The following NIPBL variants were observed in gnomAD, a reference collection of about 807,000 sequenced individuals.
NIPBL encodes the protein NIPBL cohesin loading factor, also known as nipped-B-like protein.
Under a neutral mutation model 321.8 loss-of-function variants are expected in NIPBL, and 19 were observed. That is an observed-to-expected ratio of 0.06 (90% CI 0.04 to 0.09). The LOEUF is 0.09. NIPBL is among the 10% of genes least tolerant of loss of function. The probability of loss-of-function intolerance (pLI) is 1.00; values close to 1 mark genes in which losing one functional copy is unlikely to be tolerated. For missense variants in NIPBL, 2,210 were observed against 3,327.0 expected (o/e 0.66, Z 8.26); for synonymous variants, 1,106 against 1,114.1 (o/e 0.99, Z 0.14).
intron 3 of NIPBL, among the ~76,000 whole-genome samples, chr5:36,957,733 A>G (rs960126729): frequency 6.6e-6 from 1 of 152,166 alleles, no homozygotes; most frequent in African/African-American, 2.4e-5. Flanking sequence ...CTGTAATCCC[A>G]GCACTTTGGG....
intron 32 of NIPBL, among the ~76,000 whole-genome samples, chr5:37,035,046 A>G (rs114606242): frequency 0.033 from 5,061 of 152,270 alleles, 105 homozygotes; most frequent in Middle Eastern, 0.058. Context: ...TCCCAGCACT[A>G]TGGGAGGCTA....
At chr5:36,999,422 G>A (rs1422170037) in intron 11 of NIPBL, among the ~76,000 whole-genome samples, 1 of 152,166 alleles carries the variant, frequency 6.6e-6, no homozygotes, top group African/African-American at 2.4e-5. Context: ...GGTACCTACT[G>A]CATCCTAGAA....
chr5:36,969,521 T>A (rs905514501), intron 6 of NIPBL, among the ~76,000 whole-genome samples: 2 of 152,196 alleles, frequency 1.3e-5, no homozygotes, highest in Admixed American at 6.5e-5. Flanking sequence ...AAAGAATGAT[T>A]TCTTTAATTA....
intron 31 of NIPBL, 41 bp from the exon 32 acceptor site, chr5:37,027,318 A>G: frequency 7.1e-7 from 1 of 1,406,150 alleles, no homozygotes; most frequent in Non-Finnish European, 1.0e-6. Flanking sequence ...ATTCACATTT[A>G]TAAATATACT....
At chr5:36,927,769 G>A (rs1749476698) in intron 1 of NIPBL, among the ~76,000 whole-genome samples, 2 of 152,226 alleles carry the variant, frequency 1.3e-5, no homozygotes, top group East Asian at 3.9e-4. Context: ...GGATATACCA[G>A]TCTGGAGTTC....
chr5:37,064,548 A>G lies in NIPBL; in HGVS notation c.8071A>G (p.Asn2691Asp). The G allele has an allele frequency of 6.2e-7, 1 of 1,613,812 alleles. No individual in the cohort carries two copies. Among genetic ancestry groups the G allele is most frequent in the Non-Finnish European group, 8.5e-7 (1 of 1,180,022 alleles). Reference sequence around the variant, plus strand: ...TTAGTCATTGAGAAGGTCAAAACGAAATTCAGACTCTACGGAGTTGGCAGC... The same window carrying G: ...TTAGTCATTGAGAAGGTCAAAACGAGATTCAGACTCTACGGAGTTGGCAGC... ...TSGSLRRSKRNSDSTELAAQM... is the reference protein window; with the variant it reads ...TSGSLRRSKRDSDSTELAAQM... Residue 2691 changes from asparagine (N) to aspartate (D), a missense_variant, in exon 47 of 47, where the codon AAT becomes GAT. Around this residue, in one of 14 missense-constraint regions of NIPBL, gnomAD observed 159 missense variants for 319.2 expected, o/e 0.50. Transcript: ENST00000282516.
intron 36 of NIPBL, 23 bp from the exon 37 acceptor site, chr5:37,045,420 T>C (rs1752873622): frequency 6.6e-7 from 1 of 1,517,690 alleles, no homozygotes. Context: ...ATATTATAAG[T>C]AAATATTACT....
Position 37,000,396 on chromosome 5 carries a change from G to A in NIPBL, c.3328G>A (p.Asp1110Asn). Residue 1110 changes from aspartate (D) to asparagine (N), a missense_variant, in exon 12 of 47, where the codon GAT (aspartate) becomes AAT (asparagine). Physicochemically the swap from Asp to Asn is conservative, Grantham distance 23. This residue lies in a region of NIPBL where 381 missense variants were observed against 642.3 expected (regional missense o/e 0.59). Coordinates refer to ENST00000282516, the MANE Select transcript of NIPBL (RefSeq NM_133433.4). ...FESSRKRHKK[D>N]DDKAWEYEER... ...AGCCTCTAGGAAACGACATAAAAAAGATGATGATAAAGCTTGGGAATATGA... is the reference window on the plus strand; with the variant it reads ...AGCCTCTAGGAAACGACATAAAAAAAATGATGATAAAGCTTGGGAATATGA... 3 of 1,612,936 alleles carry A rather than the reference G, an allele frequency of 1.9e-6. No individual in the cohort carries two copies. Among genetic ancestry groups the A allele is most frequent in the Non-Finnish European group, 2.5e-6 (3 of 1,179,264 alleles).
In NIPBL at chr5:37,019,409, CT is replaced by C; in HGVS notation, c.5010+13del. On this transcript the variant is annotated intron_variant, in intron 25 of 46. Coordinates refer to ENST00000282516, the MANE Select transcript of NIPBL (RefSeq NM_133433.4). ...CTGATCCTTCACTAGTGGTAGGATT[CT>C]TTTCCCCTGTTTTGGAGATACTACA... is the stretch of plus-strand genomic sequence containing the variant. 6.3e-7 allele frequency: 1 copy of C among 1,590,918 alleles called. No homozygotes were observed. The highest frequency in any genetic ancestry group is 8.6e-7 in the Non-Finnish European group (1 of 1,159,176).
chr5:37,033,520 T>G (rs1182823029), intron 32 of NIPBL, among the ~76,000 whole-genome samples: 1 of 149,122 alleles, frequency 6.7e-6, no homozygotes, highest in Non-Finnish European at 1.5e-5. Context: ...GATAGACTGT[T>G]TAGTAAATGG....
chr5:37,041,927 A>C (rs1442187557), intron 34 of NIPBL, among the ~76,000 whole-genome samples: 1 of 151,946 alleles, frequency 6.6e-6, no homozygotes, highest in East Asian at 1.9e-4. Context: ...TATCTTACCC[A>C]ACAAAAATTC....
intron 6 of NIPBL, among the ~76,000 whole-genome samples, chr5:36,964,313 A>G (rs1240540222): frequency 1.3e-5 from 2 of 152,140 alleles, no homozygotes; most frequent in African/African-American, 4.8e-5. Flanking sequence ...GGAAAAAGAA[A>G]AAAGCTGGAG....
At position 36,877,196 on chromosome 5, in the gene NIPBL, A is replaced by C; in HGVS notation, c.-80+18A>C. 1.0e-5 allele frequency: 2 copies of C among 194,492 alleles called. No individual in the cohort carries two copies. The highest frequency in any genetic ancestry group is 1.0e-5 in the Non-Finnish European group (1 of 97,240). 12.0% of individuals were successfully genotyped at this position (194,492 alleles called of 1,614,324 possible). A position where few individuals can be genotyped will look rare whatever the true frequency, so the allele number is the denominator to read the frequency against. ...TCGCCCAGGTAAATTCCTGCTCTTT[A>C]TTTCGGCGGCGGCGGCGGCGGCGCC... On this transcript the variant is annotated intron_variant, in intron 1 of 46. Coordinates refer to ENST00000282516, the MANE Select transcript of NIPBL (RefSeq NM_133433.4).
At chr5:37,043,256 G>T (rs570047852) in intron 34 of NIPBL, among the ~76,000 whole-genome samples, 7 of 151,920 alleles carry the variant, frequency 4.6e-5, no homozygotes, top group South Asian at 4.2e-4. Flanking sequence ...AAGGCCGGAC[G>T]CAGTTTCTCA....
At chr5:36,981,937 A>C (rs932205225) in intron 9 of NIPBL, among the ~76,000 whole-genome samples, 1 of 151,732 alleles carries the variant, frequency 6.6e-6, no homozygotes, top group Non-Finnish European at 1.5e-5. Flanking sequence ...GTGTGTTTTC[A>C]TTTTACATAA....
intron 1 of NIPBL, among the ~76,000 whole-genome samples, chr5:36,914,200 C>T (rs1748273497): frequency 6.6e-6 from 1 of 152,210 alleles, no homozygotes; most frequent in Admixed American, 6.5e-5. Context: ...GAACTAGTTA[C>T]CTTACCCTAC....
At chr5:37,061,345 G>C (rs2149756254) in intron 45 of NIPBL, among the ~76,000 whole-genome samples, 1 of 152,158 alleles carries the variant, frequency 6.6e-6, no homozygotes, top group South Asian at 2.1e-4. Flanking sequence ...TCCCCCCATG[G>C]ATACCCAAAT....
At position 36,996,011 on chromosome 5, in the gene NIPBL, A is replaced by G. The variant is rs1247936988; in HGVS notation, c.3304+207A>G. ...AGAAAAAAATATTAAATAAGCTACA[A>G]TTAATTTTAAAACACAGGTAGGTAT... On this transcript the variant is annotated intron_variant, in intron 11 of 46. Coordinates refer to ENST00000282516, the MANE Select transcript of NIPBL (RefSeq NM_133433.4). This position sits in a 1 kb window ranked among gnomAD's most constrained non-coding sequence, Gnocchi z 5.0. Among the ~76,000 whole-genome samples, 1 of 152,202 alleles carries G rather than the reference A, an allele frequency of 6.6e-6. No homozygotes were observed. Among genetic ancestry groups the G allele is most frequent in the African/African-American group, 2.4e-5 (1 of 41,446 alleles).
intron 32 of NIPBL, among the ~76,000 whole-genome samples, chr5:37,029,709 G>A (rs187031651): frequency 2.2e-4 from 33 of 152,242 alleles, no homozygotes; most frequent in Non-Finnish European, 4.4e-4. Context: ...ATCCTCACCA[G>A]TTCTCATTAT....
Sources: gnomAD v4.1 joint callset for allele counts (sites outside exome capture counted in the v4.1 genomes callset) on GRCh38, gnomAD v4.1.1 for gene constraint, gnomAD v4.1.1 regional missense constraint, Gnocchi (gnomAD v3.1) non-coding constraint, MANE v1.5 for transcripts, NCBI Gene and HGNC (gene_info 2026-07-23, HGNC 2026-07-21) for gene names.